The following MAGI1 variants were observed in gnomAD, a reference collection of about 807,000 sequenced individuals.
MAGI1 encodes the protein membrane associated guanylate kinase, WW and PDZ domain containing 1.
MAGI1 carries 58 observed loss-of-function variants against 139.9 expected under a neutral mutation model. That is an observed-to-expected ratio of 0.41 (90% confidence interval 0.34 to 0.52). The LOEUF (loss-of-function observed/expected upper bound fraction) is 0.52, where lower values mean the gene tolerates loss of function less well. MAGI1 is among the 20% of genes least tolerant of loss of function. The pLI is 0.12. For synonymous variants in MAGI1, 812 were observed against 737.9 expected (o/e 1.10, Z -1.63); for missense variants, 1,874 against 1,901.6 (o/e 0.99, Z 0.27).
intron 5 of MAGI1, among the ~76,000 whole-genome samples, chr3:65,454,544 A>AATAATG (rs1240447794): frequency 6.8e-6 from 1 of 146,348 alleles, no homozygotes; most frequent in Non-Finnish European, 1.5e-5. Flanking sequence ...TAATAATAAT[A>AATAATG]ATAATAATAA....
Position 65,803,665 on chromosome 3 carries a change from C to G in MAGI1, c.314-181577G>C, listed in dbSNP as rs1477781208. Among the ~76,000 whole-genome samples, 3 of 151,938 alleles carry G rather than the reference C, an allele frequency of 2.0e-5. No homozygotes were observed. The East Asian group carries it at 5.8e-4, about 29-fold the overall frequency. On this transcript the variant is annotated intron_variant, in intron 1 of 22. Transcript: ENST00000402939. Reference sequence around the variant, plus strand: ...TCACTCAGGTACTAAGCCTAGTATCCAACAGCTATTTTTCCAGATTCTCTC... The same window carrying G: ...TCACTCAGGTACTAAGCCTAGTATCGAACAGCTATTTTTCCAGATTCTCTC...
intron 10 of MAGI1, among the ~76,000 whole-genome samples, chr3:65,431,984 A>G (rs1456875999): frequency 6.6e-6 from 1 of 152,052 alleles, no homozygotes; most frequent in East Asian, 1.9e-4. Flanking sequence ...CAAGAGCAAA[A>G]CTCTGTCTCA....
intron 12 of MAGI1, among the ~76,000 whole-genome samples, chr3:65,417,645 T>C (rs1386612268): frequency 2.6e-5 from 4 of 152,042 alleles, no homozygotes; most frequent in African/African-American, 4.8e-5. Context: ...CATTCATGTA[T>C]GATATCATTG....
intron 1 of MAGI1, among the ~76,000 whole-genome samples, chr3:65,761,398 T>G (rs183423102): frequency 2.0e-4 from 31 of 152,270 alleles, no homozygotes; most frequent in African/African-American, 6.7e-4. Flanking sequence ...TTATAAAGGA[T>G]AAATTATATT....
chr3:65,921,374 T>C (rs1442381349), intron 1 of MAGI1, among the ~76,000 whole-genome samples: 1 of 151,422 alleles, frequency 6.6e-6, no homozygotes, highest in Non-Finnish European at 1.5e-5. Context: ...GGGGGCACAA[T>C]CTCAGCTTAC....
chr3:65,844,936 G>T lies in MAGI1; in HGVS notation c.313+193060C>A, dbSNP rs576708045. ...ATTTGCTCAACCCTTTCCTTCATCT[G>T]AGTATTTCCTCTGCCCATTGAAATC... On this transcript the variant is annotated intron_variant, in intron 1 of 22. Coordinates refer to ENST00000402939, the MANE Select transcript of MAGI1 (RefSeq NM_001033057.2). Among the ~76,000 whole-genome samples the T allele has an allele frequency of 1.4e-3, 215 of 152,188 alleles. 1 individual carries two copies. The highest frequency in any genetic ancestry group is 1.9e-3 in the Non-Finnish European group (129 of 68,008).
At chr3:65,401,392 C>CCCCA in intron 13 of MAGI1, 47 bp downstream of exon 13, 1 of 1,559,536 alleles carries the variant, frequency 6.4e-7, no homozygotes, top group Non-Finnish European at 8.7e-7. Context: ...AGCCCCCCAC[C>CCCCA]ATCCACCCCA....
intron 1 of MAGI1, among the ~76,000 whole-genome samples, chr3:65,897,101 A>T (rs1002981044): frequency 1.3e-5 from 2 of 152,206 alleles, no homozygotes; most frequent in African/African-American, 2.4e-5. Flanking sequence ...TACAAATGTT[A>T]TGTAAATAGT....
intron 2 of MAGI1, among the ~76,000 whole-genome samples, chr3:65,574,775 A>G (rs1386827434): frequency 1.3e-5 from 2 of 152,088 alleles, no homozygotes; most frequent in East Asian, 3.8e-4. Context: ...TATGAGTGAA[A>G]CAGAATAGAG....
At chr3:65,824,975 G>A (rs1391766543) in intron 1 of MAGI1, among the ~76,000 whole-genome samples, 2 of 152,060 alleles carry the variant, frequency 1.3e-5, no homozygotes, top group Non-Finnish European at 2.9e-5. Flanking sequence ...TGTACTCCCT[G>A]CCCCCAATGA....
Position 66,038,523 on chromosome 3 carries a change from G to A in MAGI1, c.-215C>T, listed in dbSNP as rs536067694. The A allele has an allele frequency of 3.5e-4, 213 of 608,480 alleles. 1 individual carries two copies. The East Asian group carries it at 6.9e-3, about 20-fold the overall frequency. 37.7% of individuals were successfully genotyped at this position (608,480 alleles called of 1,614,324 possible). A position where few individuals can be genotyped will look rare whatever the true frequency, so the allele number is the denominator to read the frequency against. On this transcript the variant is annotated 5_prime_UTR_variant, in exon 1 of 23. Coordinates refer to ENST00000402939, the MANE Select transcript of MAGI1 (RefSeq NM_001033057.2). The stretch of plus-strand genomic sequence containing the variant: ...TGGGCTTCCCCGCGAGCCCCGCACA[G>A]GCGCCCGCGAGCTTTGTTTGCATTC...
intron 1 of MAGI1, among the ~76,000 whole-genome samples, chr3:65,838,173 G>A (rs1410215935): frequency 8.5e-5 from 13 of 152,302 alleles, no homozygotes; most frequent in Admixed American, 4.6e-4. Context: ...TTAGCTGGGT[G>A]TGGTGGCGCA....
intron 1 of MAGI1, among the ~76,000 whole-genome samples, chr3:65,631,278 T>C (rs1008542637): frequency 6.6e-6 from 1 of 152,206 alleles, no homozygotes; most frequent in African/African-American, 2.4e-5. Flanking sequence ...ATGAACAGCT[T>C]TGAGTGGAAT....
intron 1 of MAGI1, among the ~76,000 whole-genome samples, chr3:65,913,764 T>G (rs1006048036): frequency 6.6e-6 from 1 of 152,158 alleles, no homozygotes; most frequent in Non-Finnish European, 1.5e-5. Flanking sequence ...CAGAAGACAG[T>G]TAACAGAGGA....
At chr3:65,465,433 C>T (rs114694586) in intron 5 of MAGI1, among the ~76,000 whole-genome samples, 1 of 151,716 alleles carries the variant, frequency 6.6e-6, no homozygotes, top group African/African-American at 2.4e-5. Context: ...CTGCTGGCAG[C>T]AAATTTTCTT....
At chr3:65,887,112 ATAAG>A (rs1396194926) in intron 1 of MAGI1, among the ~76,000 whole-genome samples, 3 of 152,308 alleles carry the variant, frequency 2.0e-5, no homozygotes, top group African/African-American at 7.2e-5. Context: ...CATGAGTAAA[ATAAG>A]TATGTATGCC....
At chr3:65,619,460 C>T (rs1393152047) in intron 2 of MAGI1, among the ~76,000 whole-genome samples, 1 of 152,118 alleles carries the variant, frequency 6.6e-6, no homozygotes, top group East Asian at 1.9e-4. Context: ...GATGTCTACC[C>T]CCACCACAAG....
At chr3:65,632,165 G>T (rs964209066) in intron 1 of MAGI1, among the ~76,000 whole-genome samples, 1 of 151,996 alleles carries the variant, frequency 6.6e-6, no homozygotes, top group East Asian at 1.9e-4. Context: ...TATTTTAAAG[G>T]TTCTTGATAA....
At chr3:65,946,842 T>C (rs553634071) in intron 1 of MAGI1, among the ~76,000 whole-genome samples, 18 of 152,246 alleles carry the variant, frequency 1.2e-4, no homozygotes, top group African/African-American at 3.4e-4. Flanking sequence ...TAAGAAAATA[T>C]AGGAAAAAGT....
Sources: gnomAD v4.1 joint callset for allele counts (sites outside exome capture counted in the v4.1 genomes callset) on GRCh38, gnomAD v4.1.1 for gene constraint, MANE v1.5 for transcripts, NCBI Gene and HGNC (gene_info 2026-07-23, HGNC 2026-07-21) for gene names.